The following TAF3 variants were observed in gnomAD, a reference collection of about 807,000 sequenced individuals.
TAF3 encodes the protein TATA-box binding protein associated factor 3, also known as transcription initiation factor TFIID subunit 3.
In TAF3, 7 loss-of-function variants were observed where a neutral mutation model predicts 80.6. The ratio of observed to expected loss-of-function variants is 0.09; its 90% CI spans 0.05 to 0.16. The LOEUF (loss-of-function observed/expected upper bound fraction) is 0.16. Among genes scored for constraint, TAF3 ranks in the 10% least tolerant of loss-of-function variants. The pLI is 1.00. For synonymous variants in TAF3, 444 were observed against 446.1 expected, an observed-to-expected ratio of 1.00 and a Z score of 0.06; for missense variants, 921 against 1,140.2, an observed-to-expected ratio of 0.81 and a Z score of 2.77.
chr10:7,993,060 T>C (rs560750221), intron 4 of TAF3, among the ~76,000 whole-genome samples: 3 of 152,336 alleles, frequency 2.0e-5, no homozygotes, highest in African/African-American at 7.2e-5. Flanking sequence ...TATTCAGATA[T>C]CTTTATTTGT....
chr10:7,936,847 C>G (rs1335152422), intron 2 of TAF3, among the ~76,000 whole-genome samples: 1 of 152,114 alleles, frequency 6.6e-6, no homozygotes, highest in African/African-American at 2.4e-5. Context: ...ATCCCTCCCT[C>G]CCTGTACCCG....
At chr10:7,864,129 T>G (rs1588529928) in intron 2 of TAF3, among the ~76,000 whole-genome samples, 1 of 152,166 alleles carries the variant, frequency 6.6e-6, no homozygotes, top group African/African-American at 2.4e-5. Flanking sequence ...ACTCTTGGTG[T>G]TGTACATTCT....
At chr10:7,878,954 C>A (rs2131152477) in intron 2 of TAF3, among the ~76,000 whole-genome samples, 1 of 152,214 alleles carries the variant, frequency 6.6e-6, no homozygotes, top group South Asian at 2.1e-4. Context: ...TCCGGAACTC[C>A]TGACCTCAAG....
intron 2 of TAF3, among the ~76,000 whole-genome samples, chr10:7,935,737 A>C (rs1218366661): frequency 6.6e-6 from 1 of 152,240 alleles, no homozygotes; most frequent in African/African-American, 2.4e-5. Flanking sequence ...CTACAGGTCC[A>C]CTGGGGAAGC....
At chr10:7,996,424 C>T (rs977970779) in intron 4 of TAF3, among the ~76,000 whole-genome samples, 2 of 152,186 alleles carry the variant, frequency 1.3e-5, no homozygotes, top group African/African-American at 2.4e-5. Flanking sequence ...AGCCATCCAG[C>T]TCAGCCTGTC....
intron 2 of TAF3, among the ~76,000 whole-genome samples, chr10:7,919,189 G>A (rs577555647): frequency 6.6e-6 from 1 of 152,310 alleles, no homozygotes; most frequent in East Asian, 1.9e-4. Flanking sequence ...TGTCCTAGGA[G>A]GCCTAGCTTC....
intron 2 of TAF3, among the ~76,000 whole-genome samples, chr10:7,894,721 T>G (rs761021741): frequency 3.4e-4 from 52 of 152,202 alleles, no homozygotes; most frequent in Non-Finnish European, 7.1e-4. Flanking sequence ...TTAACAGAAC[T>G]AATGGAACTA....
chr10:7,905,881 TA>T (rs571088132), intron 2 of TAF3, among the ~76,000 whole-genome samples: 255 of 145,242 alleles, frequency 1.8e-3, no homozygotes, highest in Middle Eastern at 3.6e-3. Context: ...AGAATCTGTC[TA>T]AAAAAAAAAA....
intron 4 of TAF3, among the ~76,000 whole-genome samples, chr10:8,006,137 C>T (rs1210912062): frequency 1.3e-5 from 2 of 151,436 alleles, no homozygotes; most frequent in East Asian, 3.9e-4. Context: ...TGAGACCAGC[C>T]TGCCCAACAT....
intron 2 of TAF3, among the ~76,000 whole-genome samples, chr10:7,952,688 A>G (rs185576676): frequency 5.8e-4 from 89 of 152,342 alleles, no homozygotes; most frequent in African/African-American, 2.0e-3. Context: ...CTGTGTATCT[A>G]GGAATTTATA....
intron 2 of TAF3, among the ~76,000 whole-genome samples, chr10:7,901,545 C>G (rs1407391911): frequency 6.6e-6 from 1 of 152,162 alleles, no homozygotes; most frequent in Non-Finnish European, 1.5e-5. Context: ...TTATGTGTGG[C>G]TGTTTAGATG....
intron 2 of TAF3, among the ~76,000 whole-genome samples, chr10:7,948,913 A>C (rs1315477058): frequency 1.3e-5 from 2 of 152,198 alleles, no homozygotes; most frequent in African/African-American, 4.8e-5. Flanking sequence ...AGGATTATAC[A>C]TGCATAGTTG....
chr10:7,831,562 T>C (rs977010426), intron 2 of TAF3, among the ~76,000 whole-genome samples: 1 of 152,192 alleles, frequency 6.6e-6, no homozygotes, highest in Admixed American at 6.5e-5. Flanking sequence ...GCCAGGCTGG[T>C]CTTGATCTCC....
At chr10:7,982,948 A>G (rs182805723) in intron 4 of TAF3, among the ~76,000 whole-genome samples, 21 of 152,202 alleles carry the variant, frequency 1.4e-4, no homozygotes, top group Admixed American at 3.9e-4. Context: ...AAACACTCCT[A>G]TTTCCTTTTC....
intron 2 of TAF3, among the ~76,000 whole-genome samples, chr10:7,903,647 A>G (rs1280604435): frequency 6.6e-6 from 1 of 152,244 alleles, no homozygotes; most frequent in Non-Finnish European, 1.5e-5. Flanking sequence ...ACCATATATG[A>G]AAAATTAGAA....
chr10:7,909,137 A>G (rs1447528389), intron 2 of TAF3, among the ~76,000 whole-genome samples: 1 of 152,206 alleles, frequency 6.6e-6, no homozygotes, highest in African/African-American at 2.4e-5. Flanking sequence ...CGTCTAGACC[A>G]AGTGTGGGCC....
chr10:7,895,666 G>A (rs955862465), intron 2 of TAF3, among the ~76,000 whole-genome samples: 1 of 152,150 alleles, frequency 6.6e-6, no homozygotes, highest in African/African-American at 2.4e-5. Flanking sequence ...ATTGAAAAGG[G>A]CCTGGGCTTT....
intron 2 of TAF3, among the ~76,000 whole-genome samples, chr10:7,952,707 T>C (rs2131404402): frequency 6.6e-6 from 1 of 152,354 alleles, no homozygotes; most frequent in East Asian, 1.9e-4. Flanking sequence ...TAATGCATCA[T>C]ATTCACTCTA....
chr10:7,950,048 C>T (rs996671242), intron 2 of TAF3, among the ~76,000 whole-genome samples: 2 of 152,142 alleles, frequency 1.3e-5, no homozygotes, highest in African/African-American at 4.8e-5. Flanking sequence ...AATAATAGCA[C>T]TGCTGGAGAA....
Sources: allele counts gnomAD v4.1 joint callset (sites outside exome capture counted in the v4.1 genomes callset), GRCh38; gene constraint gnomAD v4.1.1; transcripts MANE v1.5; gene names NCBI Gene and HGNC (gene_info 2026-07-23, HGNC 2026-07-21).